Variants in HHAT observed in about 807,000 individuals in gnomAD.
The protein encoded by HHAT is protein-cysteine N-palmitoyltransferase HHAT.
Under a neutral mutation model 70.8 loss-of-function variants are expected in HHAT, and 47 were observed. The ratio of observed to expected loss-of-function variants is 0.66; its 90% confidence interval spans 0.53 to 0.85. HHAT has a LOEUF of 0.85. HHAT is among the 40% of genes least tolerant of loss of function. The pLI, the probability that HHAT is intolerant of heterozygous loss-of-function variation, is 0.00. For synonymous variants in HHAT, 228 were observed against 247.6 expected, an observed-to-expected ratio of 0.92 and a Z score of 0.74; for missense variants, 609 against 604.8, an observed-to-expected ratio of 1.01 and a Z score of -0.07.
chr1:210,575,601 C>T (rs1265634646), intron 9 of HHAT, among the ~76,000 whole-genome samples: 3 of 152,126 alleles, frequency 2.0e-5, no homozygotes, highest in African/African-American at 7.2e-5. Context: ...TTCTGGTGTA[C>T]ACCTCCCCTG....
At chr1:210,583,173 G>A (rs545657958) in intron 9 of HHAT, among the ~76,000 whole-genome samples, 1 of 152,170 alleles carries the variant, frequency 6.6e-6, no homozygotes, top group African/African-American at 2.4e-5. Flanking sequence ...TCAGTAAAGG[G>A]TAGAAGTCAT....
chr1:210,347,090 A>G (rs987281928), intron 1 of HHAT, among the ~76,000 whole-genome samples: 3 of 152,216 alleles, frequency 2.0e-5, no homozygotes, highest in East Asian at 1.9e-4. Context: ...ATTGTTAACT[A>G]TAATCACCAT....
intron 10 of HHAT, among the ~76,000 whole-genome samples, chr1:210,592,817 C>T (rs1662039704): frequency 6.6e-6 from 1 of 150,426 alleles, no homozygotes; most frequent in Non-Finnish European, 1.5e-5. Flanking sequence ...TTCTTGATTT[C>T]TTTCTCTTAG....
chr1:210,484,672 A>G (rs1297226024), intron 8 of HHAT, among the ~76,000 whole-genome samples: 1 of 152,176 alleles, frequency 6.6e-6, no homozygotes, highest in Non-Finnish European at 1.5e-5. Context: ...GGCACTTACC[A>G]GTGGCACTAG....
intron 10 of HHAT, among the ~76,000 whole-genome samples, chr1:210,600,335 T>C (rs1357331273): frequency 1.3e-5 from 2 of 152,104 alleles, no homozygotes; most frequent in East Asian, 3.9e-4. Flanking sequence ...TAAGATGAAA[T>C]AGACTTAGGC....
chr1:210,428,029 C>T lies in HHAT; in HGVS notation c.856+9704C>T, dbSNP rs113239183. On this transcript the variant is annotated intron_variant, in intron 7 of 11. Coordinates refer to ENST00000261458, the MANE Select transcript of HHAT (RefSeq NM_018194.6). ...GTTAGATTTTCTTGCTGAGTTGAATCCTTTACCATAATGTAATGCCCTTCA... is the reference window on the plus strand; with the variant it reads ...GTTAGATTTTCTTGCTGAGTTGAATTCTTTACCATAATGTAATGCCCTTCA... 1.5e-4 allele frequency among the ~76,000 whole-genome samples: 23 copies of T among 149,168 alleles called. 1 individual carries two copies. Among genetic ancestry groups the T allele is most frequent in the Admixed American group, 5.3e-4 (8 of 15,178 alleles).
At chr1:210,561,973 ATAG>A (rs1413751455) in intron 9 of HHAT, among the ~76,000 whole-genome samples, 1 of 152,204 alleles carries the variant, frequency 6.6e-6, no homozygotes, top group East Asian at 1.9e-4. Context: ...GTGGCTGCTC[ATAG>A]TAGATGTTGA....
At chr1:210,414,489 A>G (rs77481003) in intron 6 of HHAT, among the ~76,000 whole-genome samples, 4,431 of 152,266 alleles carry the variant, frequency 0.029, 135 homozygotes, top group East Asian at 0.18. Flanking sequence ...TACAAAAAAA[A>G]TCTAAGAGTG....
intron 1 of HHAT, among the ~76,000 whole-genome samples, chr1:210,344,004 CGTTAT>C (rs2086274103): frequency 6.6e-6 from 1 of 152,126 alleles, no homozygotes; most frequent in Non-Finnish European, 1.5e-5. Flanking sequence ...TCTGGGAGGC[CGTTAT>C]CTACCCGTTT....
chr1:210,334,910 G>C (rs1489997530), intron 1 of HHAT, among the ~76,000 whole-genome samples: 1 of 151,922 alleles, frequency 6.6e-6, no homozygotes, highest in Non-Finnish European at 1.5e-5. Context: ...AAAATGAGTA[G>C]TCCTATATCT....
chr1:210,610,779 C>G (rs1480305125), intron 10 of HHAT, among the ~76,000 whole-genome samples: 1 of 151,944 alleles, frequency 6.6e-6, no homozygotes. Flanking sequence ...GAATTGTTTC[C>G]CCATTGCTTG....
At chr1:210,469,034 C>T (rs1168685522) in intron 8 of HHAT, among the ~76,000 whole-genome samples, 1 of 152,062 alleles carries the variant, frequency 6.6e-6, no homozygotes, top group African/African-American at 2.4e-5. Flanking sequence ...ATAGTAGGTC[C>T]TCAGGAAGTG....
chr1:210,577,637 ATTTTT>A (rs1192626068), intron 9 of HHAT, among the ~76,000 whole-genome samples: 5 of 60,206 alleles, frequency 8.3e-5, no homozygotes, highest in Non-Finnish European at 1.6e-4. Flanking sequence ...GGCCTGTAGG[ATTTTT>A]TTTTTTTTTT....
At chr1:210,384,631 G>A (rs1339246162) in intron 3 of HHAT, among the ~76,000 whole-genome samples, 1 of 152,152 alleles carries the variant, frequency 6.6e-6, no homozygotes, top group Non-Finnish European at 1.5e-5. Context: ...GGAGAAGCCT[G>A]CCTAGTTCTG....
intron 8 of HHAT, among the ~76,000 whole-genome samples, chr1:210,481,460 C>T (rs1344935040): frequency 2.0e-5 from 3 of 152,134 alleles, no homozygotes; most frequent in Non-Finnish European, 4.4e-5. Flanking sequence ...TACTTAGCAA[C>T]GCTAGACAGC....
chr1:210,437,496 C>T (rs11802166), intron 7 of HHAT, among the ~76,000 whole-genome samples: 2,160 of 151,810 alleles, frequency 0.014, 102 homozygotes, highest in African/African-American at 0.049. Flanking sequence ...CATAGAAAAC[C>T]GGCAAATTAG....
chr1:210,330,081 A>G (rs1198623092), intron 1 of HHAT, among the ~76,000 whole-genome samples: 2 of 152,156 alleles, frequency 1.3e-5, no homozygotes, highest in Admixed American at 6.5e-5. Context: ...ACCTATTTCA[A>G]TGTGATTAAG....
chr1:210,386,289 A>G (rs2091062915), intron 3 of HHAT, among the ~76,000 whole-genome samples: 1 of 111,586 alleles, frequency 9.0e-6, no homozygotes. Context: ...CCCAGGCTGG[A>G]GTGCAGTGGC....
intron 4 of HHAT, among the ~76,000 whole-genome samples, chr1:210,395,915 G>T (rs1427331605): frequency 1.3e-5 from 2 of 152,158 alleles, no homozygotes; most frequent in East Asian, 3.9e-4. Context: ...CGTGATATAT[G>T]CTAGGCACTG....
Sources: allele counts gnomAD v4.1 joint callset (sites outside exome capture counted in the v4.1 genomes callset), GRCh38; gene constraint gnomAD v4.1.1; transcripts MANE v1.5; gene names NCBI Gene and HGNC (gene_info 2026-07-23, HGNC 2026-07-21).